Variants in ST6GAL1 observed in about 807,000 individuals in gnomAD.
ST6GAL1 encodes the protein beta-galactoside alpha-2,6-sialyltransferase 1.
A neutral mutation model predicts 38.0 loss-of-function variants in ST6GAL1; 20 were observed. That is an observed-to-expected ratio of 0.53 (90% CI 0.37 to 0.77). ST6GAL1 has a LOEUF of 0.77. Ranked by LOEUF, ST6GAL1 falls within the 30% of genes least tolerant of loss-of-function variation. The pLI is 0.00. For synonymous variants in ST6GAL1, 196 were observed against 188.2 expected, an observed-to-expected ratio of 1.04 and a Z score of -0.34; for missense variants, 432 against 496.4, an observed-to-expected ratio of 0.87 and a Z score of 1.23.
chr3:186,994,314 A>G (rs1418567154), intron 2 of ST6GAL1, among the ~76,000 whole-genome samples: 1 of 152,178 alleles, frequency 6.6e-6, no homozygotes, highest in East Asian at 1.9e-4. Flanking sequence ...TCCAGGTGTG[A>G]TCCCAGTATT....
chr3:186,938,529 G>T lies in ST6GAL1; in HGVS notation c.-325+7695G>T, dbSNP rs113988228. Among the ~76,000 whole-genome samples the T allele has an allele frequency of 9.0e-3, 1,373 of 152,190 alleles. 26 individuals are homozygous for T. The highest frequency in any genetic ancestry group is 0.032 in the African/African-American group (1,336 of 41,514). ...GTTATAACTGAGGTTTTCACAAGCC[G>T]CACACTTTTGCTCCTGATATTTTTT... is the stretch of plus-strand genomic sequence containing the variant. On this transcript the variant is annotated intron_variant, in intron 1 of 7. Coordinates refer to ENST00000169298, the MANE Select transcript of ST6GAL1 (RefSeq NM_173216.2).
At chr3:187,030,096 A>C (rs905591966) in intron 2 of ST6GAL1, among the ~76,000 whole-genome samples, 21 of 152,202 alleles carry the variant, frequency 1.4e-4, no homozygotes, top group African/African-American at 4.6e-4. Context: ...AGGCCAGAGG[A>C]CTAGAATATC....
At chr3:186,993,217 A>G (rs1170145214) in intron 2 of ST6GAL1, among the ~76,000 whole-genome samples, 1 of 152,234 alleles carries the variant, frequency 6.6e-6, no homozygotes, top group Non-Finnish European at 1.5e-5. Context: ...TCGAGGGCAC[A>G]CTGCTGGTGG....
intron 2 of ST6GAL1, among the ~76,000 whole-genome samples, chr3:186,980,635 C>T (rs957441455): frequency 4.2e-4 from 61 of 146,848 alleles, no homozygotes; most frequent in Non-Finnish European, 6.9e-4. Flanking sequence ...ATTAGCCAGG[C>T]AAGGTGGCAA....
At chr3:187,002,968 A>G (rs80245238) in intron 2 of ST6GAL1, among the ~76,000 whole-genome samples, 247 of 152,338 alleles carry the variant, frequency 1.6e-3, no homozygotes, top group African/African-American at 5.6e-3. Flanking sequence ...AAATAAAACA[A>G]TGGCTTATGC....
At chr3:187,068,586 A>G (rs770303186) in intron 5 of ST6GAL1, among the ~76,000 whole-genome samples, 1 of 152,204 alleles carries the variant, frequency 6.6e-6, no homozygotes, top group Non-Finnish European at 1.5e-5. Flanking sequence ...TTGTTTTCAC[A>G]TATTGTAAAG....
At chr3:186,934,273 A>G (rs913229625) in intron 1 of ST6GAL1, among the ~76,000 whole-genome samples, 1 of 151,906 alleles carries the variant, frequency 6.6e-6, no homozygotes, top group African/African-American at 2.4e-5. Context: ...GTGGTGGCTC[A>G]CTCCAGTAAT....
intron 5 of ST6GAL1, among the ~76,000 whole-genome samples, chr3:187,052,691 C>A (rs1718558051): frequency 6.6e-6 from 1 of 152,176 alleles, no homozygotes. Flanking sequence ...TTAATCCAGT[C>A]TATCATTGAT....
intron 2 of ST6GAL1, among the ~76,000 whole-genome samples, chr3:186,973,575 T>G (rs1350936111): frequency 6.6e-6 from 1 of 152,238 alleles, no homozygotes; most frequent in African/African-American, 2.4e-5. Context: ...GTTTCTAGCC[T>G]GACAGATCTG....
chr3:187,046,754 G>A (rs964201126), intron 4 of ST6GAL1, among the ~76,000 whole-genome samples: 5 of 152,198 alleles, frequency 3.3e-5, no homozygotes, highest in Non-Finnish European at 7.3e-5. Context: ...TCAGGGGTCA[G>A]CAAGCTTTTC....
At chr3:186,992,457 A>G (rs1006969063) in intron 2 of ST6GAL1, among the ~76,000 whole-genome samples, 1 of 152,170 alleles carries the variant, frequency 6.6e-6, no homozygotes, top group Non-Finnish European at 1.5e-5. Flanking sequence ...GAAGTGTGAG[A>G]ATGGACTAAT....
chr3:186,950,246 G>T (rs1268763541), intron 1 of ST6GAL1, among the ~76,000 whole-genome samples: 1 of 152,212 alleles, frequency 6.6e-6, no homozygotes, highest in African/African-American at 2.4e-5. Context: ...CATAAGGGAG[G>T]GCAGAGCTAA....
chr3:186,990,975 G>A (rs1434937153), intron 2 of ST6GAL1, among the ~76,000 whole-genome samples: 8 of 134,626 alleles, frequency 5.9e-5, no homozygotes, highest in Non-Finnish European at 1.3e-4. Flanking sequence ...CCGCTGGGCC[G>A]GGTTTCACAG....
At position 186,993,604 on chromosome 3, in the gene ST6GAL1, A is replaced by T. The variant is rs151196488; in HGVS notation, c.-183+29678A>T. ...TATTTATTTATTTATTTATTTATTT[A>T]TATGTTTTAGAAAACTAAGAGGCCT... On this transcript the variant is annotated intron_variant, in intron 2 of 7. Transcript: ENST00000169298. Among the ~76,000 whole-genome samples the T allele has an allele frequency of 6.7e-3, 586 of 87,416 alleles. 8 individuals carry two copies. The highest frequency in any genetic ancestry group is 0.033 in the East Asian group (128 of 3,918). The allele number at this position is 87,416 out of a possible 152,430, so 57.3% of individuals were successfully genotyped here.
intron 2 of ST6GAL1, among the ~76,000 whole-genome samples, chr3:186,969,319 C>T (rs914075435): frequency 3.9e-5 from 6 of 152,188 alleles, no homozygotes; most frequent in African/African-American, 1.4e-4. Context: ...CCACAAAGTG[C>T]TGGGATTACA....
intron 1 of ST6GAL1, among the ~76,000 whole-genome samples, chr3:186,936,962 A>AT (rs71167025): frequency 7.3e-6 from 1 of 136,656 alleles, no homozygotes; most frequent in East Asian, 2.1e-4. Context: ...AAAAAAAAAA[A>AT]GAAAAAGCTT....
intron 2 of ST6GAL1, among the ~76,000 whole-genome samples, chr3:187,032,715 G>C (rs1256394990): frequency 3.3e-5 from 5 of 152,192 alleles, no homozygotes; most frequent in African/African-American, 9.7e-5. Flanking sequence ...AACTATCAGA[G>C]AAATTTTCTG....
intron 1 of ST6GAL1, among the ~76,000 whole-genome samples, chr3:186,944,652 A>G (rs1714293283): frequency 1.3e-5 from 2 of 152,260 alleles, no homozygotes; most frequent in Admixed American, 6.5e-5. Flanking sequence ...ACATAACAGA[A>G]TCTGTTGAAA....
At chr3:186,945,195 C>G (rs1243495355) in intron 1 of ST6GAL1, among the ~76,000 whole-genome samples, 1 of 151,938 alleles carries the variant, frequency 6.6e-6, no homozygotes, top group African/African-American at 2.4e-5. Context: ...GTAGTCCTAG[C>G]TACTTGGAAG....
Sources: gnomAD v4.1 joint callset for allele counts (sites outside exome capture counted in the v4.1 genomes callset) on GRCh38, gnomAD v4.1.1 for gene constraint, MANE v1.5 for transcripts, NCBI Gene and HGNC (gene_info 2026-07-23, HGNC 2026-07-21) for gene names.